DLG5: variants seen among roughly 807,000 people sequenced by gnomAD.
DLG5 encodes the protein discs large MAGUK scaffold protein 5, also known as disks large homolog 5.
A neutral mutation model predicts 189.8 loss-of-function variants in DLG5; 48 were observed. The observed-to-expected ratio is 0.25, with a 90% CI of 0.20 to 0.32. The LOEUF is 0.32. Ranked by LOEUF, DLG5 falls within the 10% of genes least tolerant of loss-of-function variation. The pLI, the probability that DLG5 is intolerant of heterozygous loss-of-function variation, is 1.00. For missense variants in DLG5, 2,160 were observed against 2,544.7 expected (o/e 0.85, Z 3.25); for synonymous variants, 1,016 against 1,054.1 (o/e 0.96, Z 0.70).
intron 1 of DLG5, among the ~76,000 whole-genome samples, chr10:77,882,166 C>T (rs369390067): frequency 9.2e-5 from 14 of 152,348 alleles, no homozygotes; most frequent in East Asian, 7.7e-4. Context: ...GTCAGGACCC[C>T]TGCCATAGGG....
intron 26 of DLG5, 40 bp downstream of exon 26, chr10:77,806,718 A>AGGC: frequency 1.4e-5 from 19 of 1,333,602 alleles, no homozygotes; most frequent in Non-Finnish European, 1.9e-5. Flanking sequence ...GCCCTCGGCG[A>AGGC]CCCCTGCCCC....
upstream of DLG5, among the ~76,000 whole-genome samples, chr10:77,930,677 G>A (rs1480740404): frequency 6.7e-6 from 1 of 148,776 alleles, no homozygotes; most frequent in Non-Finnish European, 1.5e-5. Flanking sequence ...ATTTATTGGA[G>A]ACAAGAGTCT....
chr10:77,886,309 T>C (rs1387347280), intron 1 of DLG5, among the ~76,000 whole-genome samples: 1 of 151,770 alleles, frequency 6.6e-6, no homozygotes. Context: ...ACACTGCCAC[T>C]GACCCTCAGC....
intron 2 of DLG5, among the ~76,000 whole-genome samples, chr10:77,862,675 G>C (rs1844516999): frequency 6.6e-6 from 1 of 152,214 alleles, no homozygotes; most frequent in South Asian, 2.1e-4. Flanking sequence ...AGAGCAGCTA[G>C]GGAATGAATA....
chr10:77,939,723 A>C, the DLG5 span, among the ~76,000 whole-genome samples: 1 of 152,150 alleles, frequency 6.6e-6, no homozygotes, highest in Non-Finnish European at 1.5e-5. Context: ...ACTGGCCTTC[A>C]CTTTCCAGCT....
Position 77,796,454 on chromosome 10 carries a change from G to C in DLG5, c.5305C>G (p.Leu1769Val). ...GAGGGTGCCCCGTGCCCCTTACCAA[G>C]GGGACATCTGCAGAACTTGCCAGGA... ...EAPGKFCRCP[L>V]EVMKASQQAI... The change falls in exon 28 of 32, where the codon CTT becomes GTT. Residue 1769 changes from leucine to valine, a missense_variant. Physicochemically the swap from Leu to Val is conservative, Grantham distance 32. Around this residue, in one of 5 missense-constraint regions of DLG5, gnomAD observed 574 missense variants for 644.2 expected, o/e 0.89. Coordinates refer to ENST00000372391, the MANE Select transcript of DLG5 (RefSeq NM_004747.4). This position sits in a 1 kb window ranked among gnomAD's most constrained non-coding sequence, Gnocchi z 5.2. The C allele has an allele frequency of 6.2e-7, 1 of 1,614,162 alleles. No individual in the cohort carries two copies. The highest frequency in any genetic ancestry group is 8.5e-7 in the Non-Finnish European group (1 of 1,180,018).
At chr10:77,837,233 A>G (rs2154576150) in intron 7 of DLG5, among the ~76,000 whole-genome samples, 1 of 152,038 alleles carries the variant, frequency 6.6e-6, no homozygotes, top group African/African-American at 2.4e-5. Context: ...AAAAAAAAAA[A>G]AAAAAAAAGT....
chr10:77,879,151 G>A (rs998032890), intron 1 of DLG5, among the ~76,000 whole-genome samples: 5 of 152,206 alleles, frequency 3.3e-5, no homozygotes, highest in Non-Finnish European at 5.9e-5. Context: ...GGGTGGAGAG[G>A]AGATGTGGCT....
At chr10:77,836,499 C>T (rs1253272398) in intron 7 of DLG5, among the ~76,000 whole-genome samples, 1 of 152,112 alleles carries the variant, frequency 6.6e-6, no homozygotes, top group Non-Finnish European at 1.5e-5. Flanking sequence ...AGACTCTCCA[C>T]CCCCAAGTGC....
intron 7 of DLG5, among the ~76,000 whole-genome samples, chr10:77,838,910 T>C (rs1843281073): frequency 6.6e-6 from 1 of 152,182 alleles, no homozygotes; most frequent in African/African-American, 2.4e-5. Flanking sequence ...CTCTCAGAGC[T>C]GATGGGGCAG....
At chr10:77,908,576 G>T (rs1025351743) in intron 1 of DLG5, among the ~76,000 whole-genome samples, 1 of 152,092 alleles carries the variant, frequency 6.6e-6, no homozygotes, top group Non-Finnish European at 1.5e-5. Context: ...AGACAAACCC[G>T]CCAGTCACAG....
chr10:77,920,492 A>C (rs1164827443), intron 1 of DLG5, among the ~76,000 whole-genome samples: 4 of 152,166 alleles, frequency 2.6e-5, no homozygotes, highest in Non-Finnish European at 5.9e-5. Context: ...CTTCCTTTAG[A>C]CAACTGCTCT....
At position 77,843,543 on chromosome 10, in the gene DLG5, T is replaced by A. The variant is rs748570775; in HGVS notation, c.1028A>T (p.Glu343Val). The A allele has an allele frequency of 6.2e-7, 1 of 1,614,116 alleles. No homozygotes were observed. Among genetic ancestry groups the A allele is most frequent in the South Asian group, 1.1e-5 (1 of 91,080 alleles). The change falls in exon 6 of 32, where the codon GAG (glutamate) becomes GTG (valine). Residue 343 changes from glutamate to valine, a missense_variant. Physicochemically the swap from Glu to Val is moderately radical, Grantham distance 121 (BLOSUM62 -2). Transcript: ENST00000372391. ...CTGCTTCAGCAACCGCTGGTTCTCC[T>A]CCCCCAGCTGCTCCAGGCGGCTCAG... ...ADLSRLEQLG[E>V]ENQRLLKQTE...
chr10:77,838,445 A>C (rs1843255541), intron 7 of DLG5, among the ~76,000 whole-genome samples: 1 of 152,162 alleles, frequency 6.6e-6, no homozygotes, highest in South Asian at 2.1e-4. Flanking sequence ...TCCCGAGGAT[A>C]TCTCTCCCCT....
chr10:77,855,160 T>A (rs1172613704), intron 3 of DLG5, among the ~76,000 whole-genome samples: 1 of 152,236 alleles, frequency 6.6e-6, no homozygotes. Flanking sequence ...GAGGATTTTT[T>A]AAAAACTCCC....
At chr10:77,850,767 G>A (rs187347712) in intron 5 of DLG5, among the ~76,000 whole-genome samples, 22 of 152,196 alleles carry the variant, frequency 1.4e-4, no homozygotes, top group Admixed American at 5.2e-4. Flanking sequence ...ACACGGGCAC[G>A]CGGCGCCAGT....
chr10:77,873,347 A>G (rs1844980752), intron 1 of DLG5, among the ~76,000 whole-genome samples: 1 of 152,116 alleles, frequency 6.6e-6, no homozygotes, highest in Admixed American at 6.5e-5. Context: ...GCTGGAGTCC[A>G]CAGGTGGGAT....
chr10:77,817,192 A>G lies in DLG5; in HGVS notation c.3785-96T>C. 10 of 1,125,030 alleles carry G rather than the reference A, an allele frequency of 8.9e-6. No individual in the cohort carries two copies. In the South Asian group the frequency reaches 1.0e-4, roughly 11 times the overall value. The allele number at this position is 1,125,030 out of a possible 1,614,324, so 69.7% of individuals were successfully genotyped here. ...GGCTACCAGTCAGGATAATAAATGC[A>G]AAGCTGGGCCCTGCTGTTTATTCCC... On this transcript the variant is annotated intron_variant, in intron 18 of 31. Transcript: ENST00000372391.
chr10:77,801,562 C>T (rs1841206768), intron 27 of DLG5, among the ~76,000 whole-genome samples: 1 of 152,222 alleles, frequency 6.6e-6, no homozygotes. Context: ...AAACCGACCA[C>T]ACCACCAAAC....
Sources: gnomAD v4.1 joint callset for allele counts (sites outside exome capture counted in the v4.1 genomes callset) on GRCh38, gnomAD v4.1.1 for gene constraint, gnomAD v4.1.1 regional missense constraint, Gnocchi (gnomAD v3.1) non-coding constraint, MANE v1.5 for transcripts, NCBI Gene and HGNC (gene_info 2026-07-23, HGNC 2026-07-21) for gene names.